ATAD2B: variants seen among roughly 807,000 people sequenced by gnomAD.
ATAD2B encodes ATPase family AAA domain-containing protein 2B.
A neutral mutation model predicts 167.6 loss-of-function variants in ATAD2B; 40 were observed. The observed-to-expected ratio is 0.24, with a 90% CI of 0.19 to 0.31. The LOEUF is 0.31. ATAD2B is among the 10% of genes least tolerant of loss of function. ATAD2B has a pLI of 1.00. For synonymous variants in ATAD2B, 579 were observed against 596.5 expected, an observed-to-expected ratio of 0.97 and a Z score of 0.43; for missense variants, 1,242 against 1,757.2, an observed-to-expected ratio of 0.71 and a Z score of 5.24.
chr2:23,796,871 C>G (rs1558546914), intron 19 of ATAD2B, among the ~76,000 whole-genome samples: 1 of 152,248 alleles, frequency 6.6e-6, no homozygotes, highest in East Asian at 1.9e-4. Context: ...ATTATACGTT[C>G]AAGTATTTAT....
chr2:23,684,796 C>T, the ATAD2B span, among the ~76,000 whole-genome samples: 6 of 152,254 alleles, frequency 3.9e-5, no homozygotes, highest in African/African-American at 1.4e-4. This position sits in a 1 kb window ranked among gnomAD's most constrained non-coding sequence, Gnocchi z 4.4. Context: ...CCTCTGCCAG[C>T]AGTAGACAAC....
intron 19 of ATAD2B, among the ~76,000 whole-genome samples, chr2:23,792,085 C>T (rs992446008): frequency 7.4e-5 from 11 of 147,852 alleles, no homozygotes; most frequent in East Asian, 3.9e-4. Flanking sequence ...TTTTTTGAGA[C>T]GGAGTCTTGC....
In ATAD2B at chr2:23,757,899, T is replaced by C. The variant is rs1318069183; in HGVS notation, c.3597A>G (p.Gly1199=). 6.2e-7 allele frequency: 1 copy of C among 1,603,888 alleles called. No homozygotes were observed. The highest frequency in any genetic ancestry group is 1.7e-5 in the Admixed American group (1 of 57,434). ...ATTCATCATTGGTCATAGATAAGTC[T>C]CCAGTCTCTTCTCCATTTTCCTCAT... The part of the protein sequence containing the change: ...DCHEENGEET[G]DLSMTNDESS... Residue 1199 remains glycine (G), a synonymous_variant, in exon 25 of 28, where the codon GGA becomes GGG. Coordinates refer to ENST00000238789, the MANE Select transcript of ATAD2B (RefSeq NM_017552.4).
chr2:23,884,785 G>A lies in ATAD2B; in HGVS notation c.764C>T (p.Ser255Phe). 1 of 1,593,810 alleles carries A rather than the reference G, an allele frequency of 6.3e-7. No homozygotes were observed. Among genetic ancestry groups the A allele is most frequent in the African/African-American group, 1.3e-5 (1 of 74,508 alleles). The part of the protein sequence containing the change: ...SYGIQNHHEV[S>F]TEGEEEESQE... Reference sequence around the variant, plus strand: ...CAAACCTTCTTCTTCACCCTCAGTAGAAACTTCATGATGATTTTGTATCCC... The same window carrying A: ...CAAACCTTCTTCTTCACCCTCAGTAAAAACTTCATGATGATTTTGTATCCC... The change falls in exon 6 of 28, where the codon TCT becomes TTT. Residue 255 changes from serine (S) to phenylalanine (F), a missense_variant. Ser to Phe is a radical substitution (Grantham distance 155). This residue lies in a region of ATAD2B where 99 missense variants were observed against 160.4 expected (regional missense o/e 0.62). Coordinates refer to ENST00000238789, the MANE Select transcript of ATAD2B (RefSeq NM_017552.4).
intron 1 of ATAD2B, among the ~76,000 whole-genome samples, chr2:23,925,075 T>C (rs986790745): frequency 5.3e-5 from 8 of 152,204 alleles, no homozygotes; most frequent in African/African-American, 1.9e-4. Context: ...ACAGAAAAGA[T>C]CTTTTCTTAA....
intron 20 of ATAD2B, among the ~76,000 whole-genome samples, chr2:23,787,861 T>C (rs562684804): frequency 6.6e-6 from 1 of 152,050 alleles, no homozygotes; most frequent in Non-Finnish European, 1.5e-5. Flanking sequence ...AAAATCTCTT[T>C]TGAATGACTT....
In ATAD2B at chr2:23,872,655, A is replaced by G. The variant is rs1175788801; in HGVS notation, c.978-2894T>C. On this transcript the variant is annotated intron_variant, in intron 8 of 27. Transcript: ENST00000238789. ...TCCATCGGAGGTGGTGGAACATCAT[A>G]GGAGAGCCTCCAGATCTTCACCTGG... 2.2e-6 allele frequency: 3 copies of G among 1,347,330 alleles called. No individual in the cohort carries two copies. The East Asian group carries it at 6.9e-5, about 31-fold the overall frequency. 83.5% of individuals were successfully genotyped at this position (1,347,330 alleles called of 1,614,324 possible). A position where few individuals can be genotyped will look rare whatever the true frequency, so the allele number is the denominator to read the frequency against.
chr2:23,703,791 C>T, the ATAD2B span: 1 of 1,537,450 alleles, frequency 6.5e-7, no homozygotes, highest in South Asian at 1.2e-5. Context: ...GCCAGAGCTA[C>T]CACCATCTAC....
chr2:23,876,744 CTA>C (rs1696902337), intron 7 of ATAD2B, among the ~76,000 whole-genome samples: 1 of 152,046 alleles, frequency 6.6e-6, no homozygotes, highest in Admixed American at 6.6e-5. Flanking sequence ...ATCTTTGAGA[CTA>C]TGAGATTTCT....
chr2:23,817,468 G>C (rs1686626655), intron 17 of ATAD2B, among the ~76,000 whole-genome samples: 1 of 152,108 alleles, frequency 6.6e-6, no homozygotes, highest in Admixed American at 6.5e-5. Flanking sequence ...TAATGAAAAG[G>C]ACAGCAAATA....
chr2:23,775,221 TA>T (rs199695451), intron 22 of ATAD2B, among the ~76,000 whole-genome samples: 1,671 of 146,624 alleles, frequency 0.011, 33 homozygotes, highest in Admixed American at 0.017. Flanking sequence ...TTTTATGTTT[TA>T]TTTTTTTTTT....
rs758882999 is a variant in ATAD2B at position 23,895,806 on chromosome 2, T to C, written c.368+13A>G. The C allele has an allele frequency of 6.3e-7, 1 of 1,581,840 alleles. No homozygotes were observed. The highest frequency in any genetic ancestry group is 8.6e-7 in the Non-Finnish European group (1 of 1,162,182). ...ATTTAAGAAAAAACAATCAATGAGT[T>C]CTCCTTTCTCACCTGGCCTGTCCAG... is the stretch of plus-strand genomic sequence containing the variant. On this transcript the variant is annotated intron_variant, in intron 2 of 27. Transcript: ENST00000238789.
chr2:23,876,566 C>G (rs1696875065), intron 7 of ATAD2B, among the ~76,000 whole-genome samples: 1 of 152,130 alleles, frequency 6.6e-6, no homozygotes, highest in African/African-American at 2.4e-5. Context: ...TCCCAAATTA[C>G]TGGGATTACA....
At chr2:23,890,884 TA>T (rs1260845363) in intron 2 of ATAD2B, among the ~76,000 whole-genome samples, 2 of 152,228 alleles carry the variant, frequency 1.3e-5, no homozygotes, top group Non-Finnish European at 2.9e-5. Flanking sequence ...AAAAAATCTT[TA>T]AAAACTTGTT....
intron 16 of ATAD2B, among the ~76,000 whole-genome samples, chr2:23,822,306 G>A (rs1266405448): frequency 1.1e-4 from 16 of 152,082 alleles, no homozygotes; most frequent in African/African-American, 3.4e-4. Flanking sequence ...AGGTCAAGGC[G>A]GGTGGATCAC....
chr2:23,739,795 G>C, the ATAD2B span, among the ~76,000 whole-genome samples: 1 of 152,098 alleles, frequency 6.6e-6, no homozygotes, highest in Admixed American at 6.5e-5. Flanking sequence ...AAAATTGATA[G>C]ACCACTAGCA....
chr2:23,845,570 ATTTTTTTT>A (rs71402518), intron 13 of ATAD2B, among the ~76,000 whole-genome samples: 2 of 87,646 alleles, frequency 2.3e-5, no homozygotes, highest in African/African-American at 4.9e-5. Context: ...GCATGCTGGA[ATTTTTTTT>A]TTTTTTTTTT....
intron 1 of ATAD2B, among the ~76,000 whole-genome samples, chr2:23,898,445 G>C (rs75537266): frequency 0.065 from 9,866 of 152,160 alleles, 411 homozygotes; most frequent in African/African-American, 0.12. Context: ...CCTATCAGTT[G>C]TAAGCCCTCC....
At chr2:23,815,760 T>TA (rs1372288292) in intron 17 of ATAD2B, among the ~76,000 whole-genome samples, 1 of 152,224 alleles carries the variant, frequency 6.6e-6, no homozygotes, top group Non-Finnish European at 1.5e-5. Flanking sequence ...TTATATGTGA[T>TA]AGATCTAAAT....
Sources: gnomAD v4.1 joint callset for allele counts (sites outside exome capture counted in the v4.1 genomes callset) on GRCh38, gnomAD v4.1.1 for gene constraint, gnomAD v4.1.1 regional missense constraint, Gnocchi (gnomAD v3.1) non-coding constraint, MANE v1.5 for transcripts, NCBI Gene and HGNC (gene_info 2026-07-23, HGNC 2026-07-21) for gene names.